The following CHRNA7 variants were observed in gnomAD, a reference collection of about 807,000 sequenced individuals.
The protein encoded by CHRNA7 is cholinergic receptor nicotinic alpha 7 subunit.
Under a neutral mutation model 48.0 loss-of-function variants are expected in CHRNA7, and 17 were observed. That is an observed-to-expected ratio of 0.35 (90% CI 0.24 to 0.53). CHRNA7 has a LOEUF of 0.53. Ranked by LOEUF, CHRNA7 falls within the 20% of genes least tolerant of loss-of-function variation. The pLI, the probability that CHRNA7 is intolerant of heterozygous loss-of-function variation, is 0.92. For synonymous variants in CHRNA7, 75 were observed against 242.3 expected (o/e 0.31, Z 6.41); for missense variants, 155 against 577.7 (o/e 0.27, Z 7.50).
chr15:32,094,969 T>C (rs187575926), intron 2 of CHRNA7, among the ~76,000 whole-genome samples: 2 of 152,370 alleles, frequency 1.3e-5, no homozygotes, highest in East Asian at 3.9e-4. Flanking sequence ...TTCTTCCTGC[T>C]ACCTATTCAG....
chr15:32,116,712 T>G (rs527445893), intron 4 of CHRNA7, among the ~76,000 whole-genome samples: 4 of 152,256 alleles, frequency 2.6e-5, no homozygotes, highest in Non-Finnish European at 5.9e-5. Flanking sequence ...GACAGGCAAC[T>G]GCCTCACCCT....
At chr15:32,088,584 C>T (rs987449839) in intron 2 of CHRNA7, among the ~76,000 whole-genome samples, 1 of 152,140 alleles carries the variant, frequency 6.6e-6, no homozygotes, top group African/African-American at 2.4e-5. Flanking sequence ...CCCCATCCTC[C>T]CAGCAATTGG....
intron 2 of CHRNA7, among the ~76,000 whole-genome samples, chr15:32,048,960 T>G (rs1311887153): frequency 2.0e-5 from 3 of 149,730 alleles, no homozygotes; most frequent in Admixed American, 6.6e-5. Flanking sequence ...GTTGTTCAGT[T>G]TCCACGTAGT....
intron 2 of CHRNA7, among the ~76,000 whole-genome samples, chr15:32,062,126 G>T (rs1024808143): frequency 3.3e-5 from 5 of 151,886 alleles, no homozygotes; most frequent in South Asian, 2.1e-4. Flanking sequence ...TGAGATTTAC[G>T]TGCATATCTT....
At chr15:32,041,731 T>A (rs2049452777) in intron 2 of CHRNA7, among the ~76,000 whole-genome samples, 1 of 152,250 alleles carries the variant, frequency 6.6e-6, no homozygotes, top group African/African-American at 2.4e-5. Flanking sequence ...TTTTCAAAAT[T>A]TCGATTGATA....
intron 4 of CHRNA7, among the ~76,000 whole-genome samples, chr15:32,128,413 C>G (rs1472723694): frequency 6.6e-6 from 1 of 151,846 alleles, no homozygotes; most frequent in Non-Finnish European, 1.5e-5. Context: ...AATCCATGAT[C>G]ATGGTATGTC....
intron 2 of CHRNA7, among the ~76,000 whole-genome samples, chr15:32,086,578 T>G (rs892086240): frequency 6.6e-6 from 1 of 152,200 alleles, no homozygotes; most frequent in African/African-American, 2.4e-5. Context: ...GTCCGTACTT[T>G]ATTCACATTT....
chr15:32,066,494 A>C (rs2049969200), intron 2 of CHRNA7, among the ~76,000 whole-genome samples: 1 of 152,116 alleles, frequency 6.6e-6, no homozygotes, highest in Non-Finnish European at 1.5e-5. Flanking sequence ...GTTGGCCAGG[A>C]TGGTCTCGAT....
Position 32,111,825 on chromosome 15 carries a change from A to G in CHRNA7, c.276A>G (p.Ser92=). The G allele has an allele frequency of 6.2e-7, 1 of 1,613,814 alleles. No homozygotes were observed. Among genetic ancestry groups the G allele is most frequent in the Non-Finnish European group, 8.5e-7 (1 of 1,179,664 alleles). ...ATCACTATTTACAGTGGAATGTGTC[A>G]GAATATCCAGGGGTGAAGACTGTTC... The part of the protein sequence containing the change: ...WTDHYLQWNV[S]EYPGVKTVRF... Residue 92 remains serine (S), a synonymous_variant, in exon 4 of 10, where the codon TCA becomes TCG. Transcript: ENST00000306901.
chr15:32,131,042 G>A (rs1007266005), intron 4 of CHRNA7, among the ~76,000 whole-genome samples: 17 of 151,930 alleles, frequency 1.1e-4, no homozygotes, highest in African/African-American at 4.1e-4. Flanking sequence ...ATTTAAATTT[G>A]TTGTTGTTGT....
intron 2 of CHRNA7, among the ~76,000 whole-genome samples, chr15:32,078,428 C>T (rs534810660): frequency 3.9e-5 from 6 of 152,048 alleles, no homozygotes; most frequent in East Asian, 1.9e-4. Context: ...TTTATTTTTT[C>T]GTATGTGGAT....
intron 4 of CHRNA7, among the ~76,000 whole-genome samples, chr15:32,153,038 T>A (rs1369573944): frequency 6.7e-6 from 1 of 149,758 alleles, no homozygotes; most frequent in East Asian, 1.9e-4. Context: ...TCCCTCACTC[T>A]CCTTCTTTTC....
Position 32,129,152 on chromosome 15 carries a change from T to C in CHRNA7, c.350+17253T>C, listed in dbSNP as rs186303175. On this transcript the variant is annotated intron_variant, in intron 4 of 9. Coordinates refer to ENST00000306901, the MANE Select transcript of CHRNA7 (RefSeq NM_000746.6). ...TCCTTATATATACTGCTAAGTTGTA[T>C]TGCCAATATTTTATTAAGGGTGGTT... 1.9e-3 allele frequency among the ~76,000 whole-genome samples: 296 copies of C among 152,052 alleles called. 6 individuals carry two copies. Among genetic ancestry groups the C allele is most frequent in the Non-Finnish European group, 4.3e-4 (29 of 67,794 alleles).
At chr15:32,148,206 T>C (rs1441156782) in intron 4 of CHRNA7, among the ~76,000 whole-genome samples, 2 of 152,212 alleles carry the variant, frequency 1.3e-5, no homozygotes, top group South Asian at 4.1e-4. Flanking sequence ...CTTCTTCTTA[T>C]TGTTATTTTA....
At chr15:32,111,458 T>G (rs1297609096) in intron 3 of CHRNA7, 7 of 214,234 alleles carry the variant, frequency 3.3e-5, no homozygotes, top group Middle Eastern at 1.5e-3. Flanking sequence ...TGAAAACTTC[T>G]AAGGCAAAAC....
At chr15:32,033,695 C>T (rs774213742) in intron 2 of CHRNA7, among the ~76,000 whole-genome samples, 6 of 152,178 alleles carry the variant, frequency 3.9e-5, no homozygotes, top group Non-Finnish European at 7.3e-5. Flanking sequence ...GAAATCTCAG[C>T]GCTCTGGACA....
chr15:32,084,654 T>C (rs1595428699), intron 2 of CHRNA7, among the ~76,000 whole-genome samples: 1 of 152,216 alleles, frequency 6.6e-6, no homozygotes, highest in South Asian at 2.1e-4. Context: ...TGTCCAAGAA[T>C]TGTCCTGAAG....
chr15:32,077,367 TC>T (rs2050151277), intron 2 of CHRNA7, among the ~76,000 whole-genome samples: 1 of 152,160 alleles, frequency 6.6e-6, no homozygotes, highest in South Asian at 2.1e-4. Context: ...TGTAAGAAAA[TC>T]CTAGACTGTC....
chr15:32,134,688 TAAGAC>T (rs1158862588), intron 4 of CHRNA7, among the ~76,000 whole-genome samples: 1 of 152,180 alleles, frequency 6.6e-6, no homozygotes, highest in South Asian at 2.1e-4. Context: ...CTTAAACACT[TAAGAC>T]AATAGAAACT....
Sources: gnomAD v4.1 joint callset for allele counts (sites outside exome capture counted in the v4.1 genomes callset) on GRCh38, gnomAD v4.1.1 for gene constraint, MANE v1.5 for transcripts, NCBI Gene and HGNC (gene_info 2026-07-23, HGNC 2026-07-21) for gene names.